Variants in CNOT6L observed in about 807,000 individuals in gnomAD.
CNOT6L encodes the protein CCR4-NOT transcription complex subunit 6 like, also known as CCR4-NOT transcription complex subunit 6-like.
A neutral mutation model predicts 64.0 loss-of-function variants in CNOT6L; 7 were observed. The ratio of observed to expected loss-of-function variants is 0.11; its 90% CI spans 0.06 to 0.21. The LOEUF (loss-of-function observed/expected upper bound fraction) is 0.21. Among genes scored for constraint, CNOT6L ranks in the 10% least tolerant of loss-of-function variants. The pLI, the probability that CNOT6L is intolerant of heterozygous loss-of-function variation, is 1.00. For missense variants in CNOT6L, 245 were observed against 669.0 expected (o/e 0.37, Z 6.99); for synonymous variants, 193 against 243.4 (o/e 0.79, Z 1.93).
chr4:77,742,296 CTGAGA>C lies in CNOT6L; in HGVS notation c.718-6_718-2del. ...TGAAGTATTGCTCTGTTTCCACTTC[CTGAGA>C]TGAAAGAAAAGTTATCATCTATATG... On this transcript the variant is annotated splice_acceptor_variant and splice_polypyrimidine_tract_variant and intron_variant, in intron 7 of 11. Coordinates refer to ENST00000504123, the MANE Select transcript of CNOT6L (RefSeq NM_144571.3). LOFTEE classifies it high-confidence loss of function. The C allele has an allele frequency of 1.2e-6, 2 of 1,608,952 alleles. No individual in the cohort carries two copies. The highest frequency in any genetic ancestry group is 1.7e-6 in the Non-Finnish European group (2 of 1,177,402).
chr4:77,768,915 G>C (rs1232037614), intron 4 of CNOT6L, among the ~76,000 whole-genome samples: 2 of 152,086 alleles, frequency 1.3e-5, no homozygotes, highest in Non-Finnish European at 2.9e-5. Context: ...AGGATGTACA[G>C]ACCTCTACAT....
chr4:77,737,682 T>G (rs1723128934), intron 8 of CNOT6L, among the ~76,000 whole-genome samples: 1 of 152,082 alleles, frequency 6.6e-6, no homozygotes, highest in African/African-American at 2.4e-5. Context: ...ACTCCCAAAG[T>G]GCTGCCATTA....
In CNOT6L at chr4:77,715,633, G is replaced by A. The variant is rs926767815; in HGVS notation, c.*4798C>T. On this transcript the variant is annotated 3_prime_UTR_variant, in exon 12 of 12. Coordinates refer to ENST00000504123, the MANE Select transcript of CNOT6L (RefSeq NM_144571.3). ...TAATAGAGACATTTACATAAAAAAGGTATTTGGTTAAAACAAGAAATATGC... is the reference window on the plus strand; with the variant it reads ...TAATAGAGACATTTACATAAAAAAGATATTTGGTTAAAACAAGAAATATGC... 1.3e-5 allele frequency: 2 copies of A among 152,466 alleles called. No homozygotes were observed. Among genetic ancestry groups the A allele is most frequent in the Admixed American group, 6.6e-5 (1 of 15,218 alleles). 9.4% of individuals were successfully genotyped at this position (152,466 alleles called of 1,614,324 possible). A position where few individuals can be genotyped will look rare whatever the true frequency, so the allele number is the denominator to read the frequency against.
At chr4:77,746,166 A>T (rs1017293456) in intron 6 of CNOT6L, among the ~76,000 whole-genome samples, 1 of 152,200 alleles carries the variant, frequency 6.6e-6, no homozygotes, top group African/African-American at 2.4e-5. Flanking sequence ...TTTTCCTAAG[A>T]CTTTGTAAAC....
At chr4:77,818,396 A>C (rs1485058074) in intron 1 of CNOT6L, among the ~76,000 whole-genome samples, 1 of 152,204 alleles carries the variant, frequency 6.6e-6, no homozygotes, top group Non-Finnish European at 1.5e-5. Flanking sequence ...CAGGCCAGGA[A>C]AGCCAGTTTC....
chr4:77,788,120 G>A (rs772814329), intron 1 of CNOT6L, among the ~76,000 whole-genome samples: 3 of 152,084 alleles, frequency 2.0e-5, no homozygotes, highest in Middle Eastern at 3.2e-3. Flanking sequence ...AAAATAGCTC[G>A]ATCACATTCC....
intron 8 of CNOT6L, among the ~76,000 whole-genome samples, chr4:77,735,480 C>T (rs1304802801): frequency 1.3e-5 from 2 of 152,136 alleles, no homozygotes; most frequent in African/African-American, 4.8e-5. Flanking sequence ...ATATTTATAA[C>T]AGATTACCTT....
At chr4:77,751,018 C>A (rs980013438) in intron 5 of CNOT6L, among the ~76,000 whole-genome samples, 2 of 152,158 alleles carry the variant, frequency 1.3e-5, no homozygotes, top group Non-Finnish European at 2.9e-5. Context: ...ACTGGTCATA[C>A]CAAGAACCAG....
chr4:77,734,086 T>C (rs1722708272), intron 8 of CNOT6L, among the ~76,000 whole-genome samples: 1 of 152,192 alleles, frequency 6.6e-6, no homozygotes, highest in African/African-American at 2.4e-5. Flanking sequence ...GTATTTTCAT[T>C]AATAAAGACT....
At chr4:77,741,219 A>G (rs760016711) in intron 8 of CNOT6L, among the ~76,000 whole-genome samples, 1 of 152,228 alleles carries the variant, frequency 6.6e-6, no homozygotes, top group Non-Finnish European at 1.5e-5. Context: ...AAGACAGGAA[A>G]GTAGGCATAG....
At chr4:77,807,276 CAAA>C (rs58452605) in intron 1 of CNOT6L, among the ~76,000 whole-genome samples, 2 of 108,218 alleles carry the variant, frequency 1.8e-5, no homozygotes. Flanking sequence ...GACTCCATCT[CAAA>C]AAAAAAAAAA....
chr4:77,779,046 C>CAAAA (rs747920305), intron 1 of CNOT6L, among the ~76,000 whole-genome samples: 32 of 67,118 alleles, frequency 4.8e-4, no homozygotes, highest in Middle Eastern at 8.9e-3. Flanking sequence ...GACTCTGTCT[C>CAAAA]AAAAAAAAAA....
intron 11 of CNOT6L, 43 bp from the exon 12 acceptor site, chr4:77,720,686 T>G: frequency 6.3e-7 from 1 of 1,598,312 alleles, no homozygotes; most frequent in Non-Finnish European, 8.6e-7. Flanking sequence ...AAATTCAAGA[T>G]ATATAAAGAA....
intron 5 of CNOT6L, among the ~76,000 whole-genome samples, chr4:77,750,121 A>T (rs1168235607): frequency 6.6e-6 from 1 of 152,198 alleles, no homozygotes; most frequent in Non-Finnish European, 1.5e-5. Flanking sequence ...TATTTTATTT[A>T]AAAATGTTTA....
intron 11 of CNOT6L, among the ~76,000 whole-genome samples, chr4:77,725,181 G>A (rs749161877): frequency 7.2e-5 from 11 of 152,074 alleles, no homozygotes; most frequent in Non-Finnish European, 1.5e-4. Flanking sequence ...GATTATGAAA[G>A]CTGATTAGTA....
chr4:77,729,199 T>C lies in CNOT6L; in HGVS notation c.1025-118A>G, dbSNP rs141613133. On this transcript the variant is annotated intron_variant, in intron 9 of 11. Coordinates refer to ENST00000504123, the MANE Select transcript of CNOT6L (RefSeq NM_144571.3). ...ACTTCTTTACTCTTTTCCATGAATT[T>C]ATAACTTCCCTTTTATCTCATAAAG... is the stretch of plus-strand genomic sequence containing the variant. 3.6e-4 allele frequency: 260 copies of C among 713,292 alleles called. No individual in the cohort carries two copies. The African/African-American group carries it at 4.2e-3, about 12-fold the overall frequency. 44.2% of individuals were successfully genotyped at this position (713,292 alleles called of 1,614,324 possible). A position where few individuals can be genotyped will look rare whatever the true frequency, so the allele number is the denominator to read the frequency against.
intron 1 of CNOT6L, among the ~76,000 whole-genome samples, chr4:77,800,524 TA>T (rs1304700020): frequency 6.6e-6 from 1 of 151,284 alleles, no homozygotes. Flanking sequence ...AAAAAAAAAT[TA>T]AAAAAAATAA....
chr4:77,778,389 T>TC (rs1437312880), intron 1 of CNOT6L, among the ~76,000 whole-genome samples: 1 of 140,146 alleles, frequency 7.1e-6, no homozygotes, highest in Non-Finnish European at 1.5e-5. Flanking sequence ...AACATAGGTT[T>TC]CACTAATTTT....
chr4:77,776,852 C>T (rs1484055783), intron 1 of CNOT6L, among the ~76,000 whole-genome samples: 1 of 152,202 alleles, frequency 6.6e-6, no homozygotes, highest in Non-Finnish European at 1.5e-5. Flanking sequence ...AATCACAAAA[C>T]CGCAGAACTC....
Sources: gnomAD v4.1 joint callset for allele counts (sites outside exome capture counted in the v4.1 genomes callset) on GRCh38, gnomAD v4.1.1 for gene constraint, MANE v1.5 for transcripts, NCBI Gene and HGNC (gene_info 2026-07-23, HGNC 2026-07-21) for gene names.